Variants in ANXA3 observed in about 807,000 individuals in gnomAD.
ANXA3 encodes 35-alpha calcimedin.
A neutral mutation model predicts 48.8 loss-of-function variants in ANXA3; 46 were observed. The observed-to-expected ratio is 0.94, with a 90% CI of 0.74 to 1.21. The LOEUF (loss-of-function observed/expected upper bound fraction) is 1.21. ANXA3 is among the 50% of genes most tolerant of loss of function. The pLI is 0.00. For missense variants in ANXA3, 383 were observed against 378.6 expected (o/e 1.01, Z -0.10); for synonymous variants, 128 against 134.7 (o/e 0.95, Z 0.35).
intron 3 of ANXA3, among the ~76,000 whole-genome samples, chr4:78,575,405 T>C (rs1382816917): frequency 1.3e-5 from 2 of 152,154 alleles, no homozygotes; most frequent in African/African-American, 4.8e-5. Flanking sequence ...GGGAGGGACC[T>C]GGTGGGAGAT....
At chr4:78,595,986 C>G (rs535400321) in intron 9 of ANXA3, 99 bp downstream of exon 9, 1 of 764,144 alleles carries the variant, frequency 1.3e-6, no homozygotes, top group Non-Finnish European at 2.2e-6. Flanking sequence ...TTTAAAATTG[C>G]GAAGTCTGTT....
chr4:78,599,045 T>G (rs149818131), intron 10 of ANXA3, among the ~76,000 whole-genome samples: 1 of 152,312 alleles, frequency 6.6e-6, no homozygotes, highest in African/African-American at 2.4e-5. Flanking sequence ...ACCTTATAAT[T>G]CAATTGAAGT....
At chr4:78,600,817 T>C (rs909749336) in intron 10 of ANXA3, among the ~76,000 whole-genome samples, 2 of 152,212 alleles carry the variant, frequency 1.3e-5, no homozygotes, top group Non-Finnish European at 2.9e-5. Context: ...TACAGACTTT[T>C]CTATTCCTAT....
At chr4:78,569,442 G>C (rs1240852772) in intron 2 of ANXA3, among the ~76,000 whole-genome samples, 1 of 152,174 alleles carries the variant, frequency 6.6e-6, no homozygotes, top group Non-Finnish European at 1.5e-5. Context: ...CTGTTTGGCT[G>C]TAAAAATGCC....
chr4:78,561,106 G>A (rs1029056577), intron 2 of ANXA3, among the ~76,000 whole-genome samples: 2 of 152,142 alleles, frequency 1.3e-5, no homozygotes, highest in African/African-American at 4.8e-5. Context: ...TCAAAACATG[G>A]GATCCATATA....
chr4:78,557,614 G>A (rs527784533), intron 2 of ANXA3, among the ~76,000 whole-genome samples: 1 of 152,146 alleles, frequency 6.6e-6, no homozygotes, highest in South Asian at 2.1e-4. Context: ...AGGCTAACCT[G>A]AGCCTGGAGG....
At chr4:78,597,216 T>C (rs1723439398) in intron 9 of ANXA3, 103 bp from the exon 10 acceptor site, 2 of 723,744 alleles carry the variant, frequency 2.8e-6, no homozygotes, top group South Asian at 1.7e-5. Flanking sequence ...AGGGAGTTTT[T>C]TAGCTTGCTA....
At chr4:78,608,253 T>G (rs566806815) in intron 12 of ANXA3, among the ~76,000 whole-genome samples, 1 of 152,178 alleles carries the variant, frequency 6.6e-6, no homozygotes, top group African/African-American at 2.4e-5. Flanking sequence ...AAGGCTTCTA[T>G]GAGAAAGTCA....
At chr4:78,597,205 G>A (rs1463001449) in intron 9 of ANXA3, 114 bp from the exon 10 acceptor site, 7 of 671,626 alleles carry the variant, frequency 1.0e-5, no homozygotes, top group African/African-American at 1.9e-5. Context: ...ATGGTTTAAA[G>A]AGGGAGTTTT....
intron 6 of ANXA3, among the ~76,000 whole-genome samples, chr4:78,589,344 T>C (rs528065026): frequency 6.6e-6 from 1 of 152,296 alleles, no homozygotes; most frequent in South Asian, 2.1e-4. Flanking sequence ...TGCATCAAGG[T>C]TACCTTGGTT....
intron 11 of ANXA3, chr4:78,602,402 C>G (rs1193213809): frequency 6.6e-6 from 1 of 152,070 alleles, no homozygotes; most frequent in African/African-American, 2.4e-5. Context: ...GAGATAGGTA[C>G]AGAGAAGTAT....
At chr4:78,570,817 T>G (rs1722828479) in intron 2 of ANXA3, among the ~76,000 whole-genome samples, 1 of 152,214 alleles carries the variant, frequency 6.6e-6, no homozygotes. Flanking sequence ...TCAAACAATC[T>G]AACATTGGGG....
At chr4:78,595,471 C>CTAT (rs1272075555) in intron 8 of ANXA3, 34 bp downstream of exon 8, 1 of 1,606,160 alleles carries the variant, frequency 6.2e-7, no homozygotes, top group Admixed American at 1.7e-5. Context: ...TTTCCTTTAC[C>CTAT]TATTCTCCTA....
chr4:78,590,516 G>A (rs1056948126), intron 6 of ANXA3, among the ~76,000 whole-genome samples: 1 of 152,126 alleles, frequency 6.6e-6, no homozygotes, highest in Non-Finnish European at 1.5e-5. Flanking sequence ...TGAGAATGGT[G>A]CAGACAGTTC....
intron 12 of ANXA3, among the ~76,000 whole-genome samples, chr4:78,607,586 T>A (rs946217779): frequency 6.6e-6 from 1 of 152,178 alleles, no homozygotes; most frequent in African/African-American, 2.4e-5. Flanking sequence ...ATTTATTTAA[T>A]AAATAGCACA....
In ANXA3 at chr4:78,579,080, C is replaced by A. The variant is rs181568024; in HGVS notation, c.157C>A (p.Arg53=). 1.9e-6 allele frequency: 3 copies of A among 1,611,770 alleles called. No homozygotes were observed. The highest frequency in any genetic ancestry group is 1.7e-6 in the Non-Finnish European group (2 of 1,178,398). Residue 53 remains arginine (R), a synonymous_variant, in exon 4 of 13, where the codon CGG becomes AGG. Coordinates refer to ENST00000264908, the MANE Select transcript of ANXA3 (RefSeq NM_005139.3). ...SILTERSNAQ[R]QLIVKEYQAA... ...TCTGACTGAGAGGTCAAATGCACAG[C>A]GGCAGCTGATTGTTAAGGAATATCA...
In ANXA3 at chr4:78,591,962, G is replaced by A. The variant is rs115486054; in HGVS notation, c.483+339G>A. The stretch of plus-strand genomic sequence containing the variant: ...ATAAGTGTCTCCATTTTAAAGAACA[G>A]GTTTATTTTCTTCTGGACTCTGAAG... On this transcript the variant is annotated intron_variant, in intron 7 of 12. Transcript: ENST00000264908. 7.6e-3 allele frequency among the ~76,000 whole-genome samples: 1,160 copies of A among 152,148 alleles called. 14 individuals carry two copies. Among genetic ancestry groups the A allele is most frequent in the African/African-American group, 0.027 (1,121 of 41,494 alleles).
chr4:78,578,825 C>CT (rs140875156), intron 3 of ANXA3, among the ~76,000 whole-genome samples: 4 of 150,612 alleles, frequency 2.7e-5, no homozygotes, highest in South Asian at 4.2e-4. Flanking sequence ...ATAAAGTTAA[C>CT]TTTTTTTTTC....
At chr4:78,570,420 A>G (rs1046125702) in intron 2 of ANXA3, among the ~76,000 whole-genome samples, 5 of 152,198 alleles carry the variant, frequency 3.3e-5, no homozygotes, top group Admixed American at 1.3e-4. Context: ...GTCTTTTTAT[A>G]TTTAGAATCA....
Sources: gnomAD v4.1 joint callset for allele counts (sites outside exome capture counted in the v4.1 genomes callset) on GRCh38, gnomAD v4.1.1 for gene constraint, MANE v1.5 for transcripts, NCBI Gene and HGNC (gene_info 2026-07-23, HGNC 2026-07-21) for gene names.